Variants in SEM1 observed in about 807,000 individuals in gnomAD.
SEM1 encodes 26S proteasome complex subunit SEM1.
Under a neutral mutation model 12.7 loss-of-function variants are expected in SEM1, and 3 were observed. The observed-to-expected ratio is 0.24, with a 90% CI of 0.11 to 0.61. The LOEUF (loss-of-function observed/expected upper bound fraction) is 0.61. Ranked by LOEUF, SEM1 falls within the 20% of genes least tolerant of loss-of-function variation. SEM1 has a pLI of 0.88. For missense variants in SEM1, 59 were observed against 81.3 expected (o/e 0.73, Z 1.06); for synonymous variants, 30 against 27.8 (o/e 1.08, Z -0.25).
rs1419850559 is a variant in SEM1 at position 96,706,572 on chromosome 7, A to C, written c.76+3116T>G. On this transcript the variant is annotated intron_variant, in intron 1 of 2. Coordinates refer to ENST00000248566, the MANE Select transcript of SEM1 (RefSeq NM_006304.2). ...AGTGAAACTCCATCTCAAACAAACA[A>C]AAAAAAAAAAAAAAAAAAAAAAAGA... Among the ~76,000 whole-genome samples the C allele has an allele frequency of 4.7e-3, 107 of 22,906 alleles. 1 individual carries two copies. The East Asian group carries it at 0.16, about 34-fold the overall frequency. 15.0% of individuals were successfully genotyped at this position (22,906 alleles called of 152,430 possible). A position where few individuals can be genotyped will look rare whatever the true frequency, so the allele number is the denominator to read the frequency against.
Position 96,594,812 on chromosome 7 carries a change from G to A in SEM1, c.171-88114C>T, listed in dbSNP as rs77635975. ...TAAAAGAAAATTCAGAAAAAATAAT[G>A]GAATATGAAACTAAAAACACTAAAA... On this transcript the variant is annotated intron_variant and NMD_transcript_variant, in intron 2 of 3. Transcript: ENST00000466986. 9.6e-3 allele frequency among the ~76,000 whole-genome samples: 1,461 copies of A among 151,916 alleles called. 33 individuals carry two copies. The highest frequency in any genetic ancestry group is 0.034 in the African/African-American group (1,393 of 41,426).
intron 2 of SEM1, among the ~76,000 whole-genome samples, chr7:96,624,433 C>G (rs1807994921): frequency 6.6e-6 from 1 of 152,112 alleles, no homozygotes; most frequent in African/African-American, 2.4e-5. Context: ...GGAGCATGGG[C>G]TCTGGGGACA....
chr7:96,683,733 A>G (rs533418830), intron 2 of SEM1, among the ~76,000 whole-genome samples: 4 of 152,200 alleles, frequency 2.6e-5, no homozygotes, highest in Admixed American at 1.3e-4. Context: ...CTCTGCAGGG[A>G]CATGGAGGAA....
intron 2 of SEM1, among the ~76,000 whole-genome samples, chr7:96,519,665 C>T (rs997293009): frequency 6.6e-6 from 1 of 152,012 alleles, no homozygotes; most frequent in Non-Finnish European, 1.5e-5. Flanking sequence ...AGACCCTCCA[C>T]ATAGCTGAGA....
chr7:96,590,877 G>A (rs1261988303), intron 2 of SEM1, among the ~76,000 whole-genome samples: 1 of 152,096 alleles, frequency 6.6e-6, no homozygotes, highest in African/African-American at 2.4e-5. Flanking sequence ...GAGGGTCGGG[G>A]TTACAAACAT....
intron 2 of SEM1, among the ~76,000 whole-genome samples, chr7:96,583,636 C>G (rs1221132680): frequency 1.3e-5 from 2 of 150,170 alleles, no homozygotes; most frequent in African/African-American, 4.9e-5. Flanking sequence ...TCAGGACTTG[C>G]TTTATGAATC....
chr7:96,683,828 A>G (rs1469962651), downstream of SEM1, among the ~76,000 whole-genome samples: 1 of 152,164 alleles, frequency 6.6e-6, no homozygotes, highest in Non-Finnish European at 1.5e-5. Context: ...GAAGTTGAAC[A>G]GTGAGAATAC....
At chr7:96,511,556 A>T (rs564826913) in intron 2 of SEM1, among the ~76,000 whole-genome samples, 1 of 152,216 alleles carries the variant, frequency 6.6e-6, no homozygotes, top group East Asian at 1.9e-4. Context: ...TATAGCACAA[A>T]TTGGAAGAGG....
At chr7:96,562,048 A>G (rs1215704234) in intron 2 of SEM1, among the ~76,000 whole-genome samples, 1 of 152,250 alleles carries the variant, frequency 6.6e-6, no homozygotes, top group Non-Finnish European at 1.5e-5. Flanking sequence ...AGGTCTGGTA[A>G]TGATCAAATG....
At chr7:96,507,746 A>G (rs1207400874) in intron 2 of SEM1, among the ~76,000 whole-genome samples, 1 of 152,112 alleles carries the variant, frequency 6.6e-6, no homozygotes, top group Non-Finnish European at 1.5e-5. Context: ...CAACCTGGGC[A>G]TCTCTTTGAT....
intron 3 of SEM1, among the ~76,000 whole-genome samples, chr7:96,504,556 G>A (rs749004621): frequency 6.6e-6 from 1 of 151,858 alleles, no homozygotes; most frequent in Non-Finnish European, 1.5e-5. Flanking sequence ...TATGACATAC[G>A]TTCTTTCCTT....
intron 2 of SEM1, among the ~76,000 whole-genome samples, chr7:96,563,014 TAGAC>T (rs1426328120): frequency 2.0e-5 from 3 of 152,154 alleles, no homozygotes; most frequent in African/African-American, 7.2e-5. Flanking sequence ...TTTGATTTAA[TAGAC>T]AGCATGCTGA....
chr7:96,637,751 A>G (rs1383807486), intron 2 of SEM1, among the ~76,000 whole-genome samples: 7 of 151,980 alleles, frequency 4.6e-5, no homozygotes, highest in Non-Finnish European at 8.8e-5. Flanking sequence ...GTATGGACAG[A>G]TGGCCTCTGT....
chr7:96,594,658 G>A (rs1806940144), intron 2 of SEM1, among the ~76,000 whole-genome samples: 1 of 152,146 alleles, frequency 6.6e-6, no homozygotes, highest in African/African-American at 2.4e-5. Flanking sequence ...TTCTAACACT[G>A]AGAAACAAAT....
At chr7:96,572,333 G>A (rs199504855) in intron 2 of SEM1, among the ~76,000 whole-genome samples, 1 of 152,056 alleles carries the variant, frequency 6.6e-6, no homozygotes, top group Non-Finnish European at 1.5e-5. Context: ...GCTTTTGAAT[G>A]TGTTTGCTCT....
At chr7:96,512,551 A>G (rs1175882443) in intron 2 of SEM1, among the ~76,000 whole-genome samples, 1 of 152,146 alleles carries the variant, frequency 6.6e-6, no homozygotes, top group African/African-American at 2.4e-5. Flanking sequence ...ACTAAATCAC[A>G]TTATGAAACT....
At chr7:96,702,019 G>A (rs556089284) in intron 1 of SEM1, among the ~76,000 whole-genome samples, 1 of 152,064 alleles carries the variant, frequency 6.6e-6, no homozygotes, top group Non-Finnish European at 1.5e-5. Context: ...TGGGAGGGTG[G>A]CCTGGCATAA....
chr7:96,706,151 G>A (rs536175243), intron 1 of SEM1: 11 of 152,238 alleles, frequency 7.2e-5, no homozygotes, highest in African/African-American at 1.7e-4. Flanking sequence ...TAGAATAATT[G>A]TGAGGAAATG....
chr7:96,588,969 G>C (rs1403473836), intron 2 of SEM1, among the ~76,000 whole-genome samples: 1 of 152,188 alleles, frequency 6.6e-6, no homozygotes, highest in African/African-American at 2.4e-5. Context: ...ATCATAAGGA[G>C]AAAATGCATT....
Sources: allele counts gnomAD v4.1 joint callset (sites outside exome capture counted in the v4.1 genomes callset), GRCh38; gene constraint gnomAD v4.1.1; transcripts MANE v1.5; gene names NCBI Gene and HGNC (gene_info 2026-07-23, HGNC 2026-07-21).